Variants in BMPR1A observed in about 807,000 individuals in gnomAD.
BMPR1A encodes bone morphogenetic protein receptor type-1A.
Under a neutral mutation model 66.0 loss-of-function variants are expected in BMPR1A, and 7 were observed. That is an observed-to-expected ratio of 0.11 (90% confidence interval 0.06 to 0.20). BMPR1A has a LOEUF of 0.20. BMPR1A is among the 10% of genes least tolerant of loss of function. The pLI, the probability that BMPR1A is intolerant of heterozygous loss-of-function variation, is 1.00. For synonymous variants in BMPR1A, 200 were observed against 229.7 expected (o/e 0.87, Z 1.17); for missense variants, 408 against 669.1 (o/e 0.61, Z 4.31).
chr10:86,801,829 CAGACTCCCGAGT>C (rs1331680438), intron 1 of BMPR1A, among the ~76,000 whole-genome samples: 1 of 152,112 alleles, frequency 6.6e-6, no homozygotes, highest in Non-Finnish European at 1.5e-5. Flanking sequence ...TCTCCTGCCT[CAGACTCCCGAGT>C]AGCTTGGACT....
intron 2 of BMPR1A, among the ~76,000 whole-genome samples, chr10:86,875,159 G>C (rs1842905265): frequency 6.6e-6 from 1 of 151,804 alleles, no homozygotes; most frequent in Admixed American, 6.6e-5. Flanking sequence ...GATCACCTGA[G>C]GTCAGGAGTT....
rs1842603357 is a variant in BMPR1A, at chr10:86,853,748, AGG to A, written c.-153+14772_-153+14773del. On this transcript the variant is annotated intron_variant, in intron 2 of 12. Transcript: ENST00000372037. ...CAATTTTTTATTAGTGATTTTCAAA[AGG>A]GGAGGGAGTGTGCAAATAGGTGTGG... Among the ~76,000 whole-genome samples the A allele has an allele frequency of 3.3e-5, 5 of 152,320 alleles. 1 individual carries two copies. The South Asian group carries it at 1.0e-3, about 32-fold the overall frequency.
At chr10:86,888,103 G>A (rs577447177) in intron 3 of BMPR1A, among the ~76,000 whole-genome samples, 6 of 151,926 alleles carry the variant, frequency 3.9e-5, no homozygotes, top group Non-Finnish European at 8.8e-5. Flanking sequence ...GAGTGGTGTG[G>A]GGGGCGCGGG....
chr10:86,836,237 T>C (rs1165333549), intron 1 of BMPR1A, among the ~76,000 whole-genome samples: 1 of 152,226 alleles, frequency 6.6e-6, no homozygotes, highest in Non-Finnish European at 1.5e-5. Flanking sequence ...GTACATCTTA[T>C]TTTTATGTGT....
At chr10:86,803,854 T>C (rs1841846940) in intron 1 of BMPR1A, among the ~76,000 whole-genome samples, 3 of 151,816 alleles carry the variant, frequency 2.0e-5, no homozygotes, top group African/African-American at 7.2e-5. Flanking sequence ...CATTGACTGA[T>C]TGATTTGATT....
chr10:86,818,012 A>G (rs1174947232), intron 1 of BMPR1A, among the ~76,000 whole-genome samples: 1 of 152,130 alleles, frequency 6.6e-6, no homozygotes, highest in Non-Finnish European at 1.5e-5. Flanking sequence ...TGAAGTGTGA[A>G]TAGTTCTTTG....
intron 1 of BMPR1A, among the ~76,000 whole-genome samples, chr10:86,797,245 T>TC (rs1438536775): frequency 7.1e-6 from 1 of 141,828 alleles, no homozygotes; most frequent in African/African-American, 2.5e-5. Context: ...TTTTTTTTTT[T>TC]TTTGAGACGG....
chr10:86,869,962 C>T (rs1842834356), intron 2 of BMPR1A, among the ~76,000 whole-genome samples: 1 of 152,064 alleles, frequency 6.6e-6, no homozygotes, highest in African/African-American at 2.4e-5. Context: ...ACCTGGATAG[C>T]TTAAGTAATT....
At chr10:86,896,244 A>G (rs908714545) in intron 5 of BMPR1A, among the ~76,000 whole-genome samples, 1 of 151,890 alleles carries the variant, frequency 6.6e-6, no homozygotes, top group African/African-American at 2.4e-5. Context: ...AGATCATGCA[A>G]CTCCACTCTA....
chr10:86,755,992 G>A (rs1162172744), upstream of BMPR1A: 2 of 152,260 alleles, frequency 1.3e-5, no homozygotes, highest in Non-Finnish European at 2.9e-5. Context: ...AATGCAATGT[G>A]ACTTATATTT....
At chr10:86,881,365 C>T (rs556853572) in intron 3 of BMPR1A, among the ~76,000 whole-genome samples, 66 of 152,294 alleles carry the variant, frequency 4.3e-4, no homozygotes, top group African/African-American at 1.6e-3. Context: ...TGAACTGTGC[C>T]ACCTGTATCC....
At chr10:86,762,101 A>G (rs1841069060) in intron 1 of BMPR1A, among the ~76,000 whole-genome samples, 1 of 152,190 alleles carries the variant, frequency 6.6e-6, no homozygotes, top group South Asian at 2.1e-4. Flanking sequence ...TAAAGGAGGG[A>G]AAAGCTTCTC....
intron 2 of BMPR1A, among the ~76,000 whole-genome samples, chr10:86,840,244 T>C (rs1336972619): frequency 6.6e-6 from 1 of 152,246 alleles, no homozygotes; most frequent in Non-Finnish European, 1.5e-5. Flanking sequence ...TGCTTGCTGC[T>C]ACTGTTAATA....
At chr10:86,832,593 T>A (rs1232994367) in intron 1 of BMPR1A, among the ~76,000 whole-genome samples, 1 of 152,188 alleles carries the variant, frequency 6.6e-6, no homozygotes, top group African/African-American at 2.4e-5. Flanking sequence ...GCCTTCTACC[T>A]CCTCATCTAG....
chr10:86,826,031 T>C (rs571373469), intron 1 of BMPR1A, among the ~76,000 whole-genome samples: 1 of 152,352 alleles, frequency 6.6e-6, no homozygotes, highest in South Asian at 2.1e-4. Flanking sequence ...CTTGTGTCTT[T>C]CACTAACTCA....
At chr10:86,836,980 TGTA>T (rs2133099980) in intron 1 of BMPR1A, among the ~76,000 whole-genome samples, 1 of 152,290 alleles carries the variant, frequency 6.6e-6, no homozygotes, top group South Asian at 2.1e-4. Flanking sequence ...GTTAAGTGTT[TGTA>T]CATGTGGGAA....
At chr10:86,786,805 T>C (rs963599775) in intron 1 of BMPR1A, among the ~76,000 whole-genome samples, 24 of 152,236 alleles carry the variant, frequency 1.6e-4, no homozygotes, top group Non-Finnish European at 2.9e-4. Context: ...AGGGAACTTA[T>C]TCTTCCTCCA....
intron 2 of BMPR1A, chr10:86,843,339 G>A (rs1447566986): frequency 2.0e-5 from 3 of 152,010 alleles, no homozygotes; most frequent in East Asian, 3.9e-4. Context: ...AATCTGTATT[G>A]CTTTGACTCT....
At chr10:86,793,579 G>A (rs1346599651) in intron 1 of BMPR1A, among the ~76,000 whole-genome samples, 1 of 151,994 alleles carries the variant, frequency 6.6e-6, no homozygotes, top group Non-Finnish European at 1.5e-5. Context: ...GATCAGGCTG[G>A]TCTCAGGTGA....
Sources: gnomAD v4.1 joint callset for allele counts (sites outside exome capture counted in the v4.1 genomes callset) on GRCh38, gnomAD v4.1.1 for gene constraint, MANE v1.5 for transcripts, NCBI Gene and HGNC (gene_info 2026-07-23, HGNC 2026-07-21) for gene names.